Variants in AGAP1 observed in about 807,000 individuals in gnomAD.
AGAP1 encodes ArfGAP with GTPase domain, ankyrin repeat and PH domain 1.
AGAP1 carries 29 observed loss-of-function variants against 105.3 expected under a neutral mutation model. The ratio of observed to expected loss-of-function variants is 0.28; its 90% CI spans 0.21 to 0.38. The LOEUF is 0.38. Among genes scored for constraint, AGAP1 ranks in the 10% least tolerant of loss-of-function variants. The pLI is 1.00. For synonymous variants in AGAP1, 509 were observed against 485.9 expected (o/e 1.05, Z -0.63); for missense variants, 998 against 1,165.1 (o/e 0.86, Z 2.09).
At chr2:235,538,542 T>G (rs1045015281) in intron 1 of AGAP1, among the ~76,000 whole-genome samples, 3 of 148,792 alleles carry the variant, frequency 2.0e-5, no homozygotes, top group African/African-American at 7.8e-5. Flanking sequence ...CACAGTTCTC[T>G]GCATAGGTTT....
At chr2:235,862,466 C>T (rs1445904594) in intron 9 of AGAP1, among the ~76,000 whole-genome samples, 2 of 152,148 alleles carry the variant, frequency 1.3e-5, no homozygotes, top group Admixed American at 6.6e-5. Context: ...TTTCCATGCC[C>T]GTTCTCATCC....
intron 8 of AGAP1, among the ~76,000 whole-genome samples, chr2:235,802,778 G>A (rs1016554632): frequency 6.9e-5 from 10 of 144,432 alleles, no homozygotes; most frequent in Admixed American, 6.3e-4. Context: ...GATGATGGTT[G>A]TGGTTGTGAT....
chr2:235,584,817 G>A (rs1057325021), intron 1 of AGAP1, among the ~76,000 whole-genome samples: 6 of 151,340 alleles, frequency 4.0e-5, no homozygotes, highest in African/African-American at 1.2e-4. Flanking sequence ...CCATTGCCAC[G>A]TGGTCTCTGC....
chr2:235,545,618 G>A (rs1376397352), intron 1 of AGAP1, among the ~76,000 whole-genome samples: 1 of 152,186 alleles, frequency 6.6e-6, no homozygotes, highest in African/African-American at 2.4e-5. Context: ...GCCCTTAGTG[G>A]AGTTCCTTCC....
chr2:235,836,757 TG>T (rs1299767000), intron 9 of AGAP1, among the ~76,000 whole-genome samples: 1 of 152,180 alleles, frequency 6.6e-6, no homozygotes, highest in African/African-American at 2.4e-5. Context: ...GAGACAGCCC[TG>T]AAGAATCAAG....
intron 1 of AGAP1, among the ~76,000 whole-genome samples, chr2:235,677,902 T>C (rs1948832718): frequency 1.0e-5 from 1 of 96,640 alleles, no homozygotes; most frequent in African/African-American, 3.7e-5. Flanking sequence ...CATTAGCTCT[T>C]TACCAAAAAA....
At chr2:235,803,769 A>G (rs541853784) in intron 8 of AGAP1, among the ~76,000 whole-genome samples, 2 of 152,372 alleles carry the variant, frequency 1.3e-5, no homozygotes, top group South Asian at 4.1e-4. Context: ...TAGTACAAAT[A>G]AAATCTCTGT....
At chr2:235,805,777 C>CCCTTTG (rs2150084752) in intron 8 of AGAP1, among the ~76,000 whole-genome samples, 1 of 152,270 alleles carries the variant, frequency 6.6e-6, no homozygotes, top group South Asian at 2.1e-4. Flanking sequence ...GTTAACCTTA[C>CCCTTTG]GTTTTATATT....
chr2:235,636,567 G>A (rs1290758925), intron 1 of AGAP1, among the ~76,000 whole-genome samples: 3 of 152,056 alleles, frequency 2.0e-5, no homozygotes, highest in Admixed American at 6.6e-5. Flanking sequence ...GCCCCCCAGC[G>A]TCCACTCCCC....
chr2:235,748,381 C>T (rs996655681), intron 5 of AGAP1, among the ~76,000 whole-genome samples: 3 of 151,996 alleles, frequency 2.0e-5, no homozygotes, highest in Non-Finnish European at 2.9e-5. Context: ...ACATCATGGA[C>T]TTGTAACTTC....
rs1477400056 is a variant in AGAP1 at position 236,045,963 on chromosome 2, G to A, written c.1892-3096G>A. The A allele has an allele frequency of 4.2e-6, 2 of 471,758 alleles. No homozygotes were observed. Among genetic ancestry groups the A allele is most frequent in the Admixed American group, 2.3e-5 (1 of 42,584 alleles). The allele number at this position is 471,758 out of a possible 1,614,324, so 29.2% of individuals were successfully genotyped here. A position where few individuals can be genotyped will look rare whatever the true frequency, so the allele number is the denominator to read the frequency against. Reference sequence around the variant, plus strand: ...TCAGAGAATTCGGAGTCCGGCACAGGAATGTGTCCCACGCATGAATGTCGT... The same window carrying A: ...TCAGAGAATTCGGAGTCCGGCACAGAAATGTGTCCCACGCATGAATGTCGT... On this transcript the variant is annotated intron_variant, in intron 15 of 17. Transcript: ENST00000304032. This position sits in a 1 kb window ranked among gnomAD's most constrained non-coding sequence, Gnocchi z 6.9.
Position 235,569,796 on chromosome 2 carries a change from C to T in AGAP1, c.163+74947C>T, listed in dbSNP as rs1253926833. Among the ~76,000 whole-genome samples, 2 of 152,180 alleles carry T rather than the reference C, an allele frequency of 1.3e-5. No individual in the cohort carries two copies. The highest frequency in any genetic ancestry group is 2.9e-5 in the Non-Finnish European group (2 of 68,034). ...CCTTGGGTAGTTTTTATTTCTTAGGCTCTCTGGAGTTCTCCCAAATCCCCA... is the reference window on the plus strand; with the variant it reads ...CCTTGGGTAGTTTTTATTTCTTAGGTTCTCTGGAGTTCTCCCAAATCCCCA... On this transcript the variant is annotated intron_variant, in intron 1 of 17. Coordinates refer to ENST00000304032, the MANE Select transcript of AGAP1 (RefSeq NM_001037131.3). The surrounding 1 kb of genome is among the most constrained non-coding windows in gnomAD (Gnocchi z 5.9).
intron 12 of AGAP1, among the ~76,000 whole-genome samples, chr2:235,949,777 C>T (rs148110967): frequency 2.6e-4 from 40 of 152,288 alleles, no homozygotes; most frequent in East Asian, 1.2e-3. Flanking sequence ...ACCCCAGCCA[C>T]GCCGCACCCC....
chr2:235,499,988 C>T (rs966188887), intron 1 of AGAP1, among the ~76,000 whole-genome samples: 17 of 152,240 alleles, frequency 1.1e-4, no homozygotes, highest in South Asian at 6.2e-4. Flanking sequence ...CAATTTGAAA[C>T]GTCCCCAGAG....
At chr2:235,677,361 G>A (rs1234638327) in intron 1 of AGAP1, among the ~76,000 whole-genome samples, 1 of 152,204 alleles carries the variant, frequency 6.6e-6, no homozygotes, top group Admixed American at 6.5e-5. Context: ...GTACCAGTGA[G>A]AGGCTTGTGA....
rs146085734 is a variant in AGAP1, at chr2:235,627,946, A to G, written c.164-81233A>G. Among the ~76,000 whole-genome samples the G allele has an allele frequency of 6.6e-5, 10 of 152,234 alleles. No homozygotes were observed. The East Asian group carries it at 1.9e-3, about 29-fold the overall frequency. On this transcript the variant is annotated intron_variant, in intron 1 of 17. Transcript: ENST00000304032. ...TCCCTTAGGAGCATGAACTTAGGAA[A>G]GGAAATGGTGCGTTTGGTGGAAAAG... is the stretch of plus-strand genomic sequence containing the variant.
In AGAP1 at chr2:235,566,242, C is replaced by G. The variant is rs1222088005; in HGVS notation, c.163+71393C>G. On this transcript the variant is annotated intron_variant, in intron 1 of 17. Transcript: ENST00000304032. This position sits in a 1 kb window ranked among gnomAD's most constrained non-coding sequence, Gnocchi z 5.2. Reference sequence around the variant, plus strand: ...AAGTAGCTGGGATTACAGGCATGCGCCACCACGCCTGGCTAATTTTGTATT... The same window carrying G: ...AAGTAGCTGGGATTACAGGCATGCGGCACCACGCCTGGCTAATTTTGTATT... Among the ~76,000 whole-genome samples the G allele has an allele frequency of 6.6e-6, 1 of 152,162 alleles. No individual in the cohort carries two copies. The highest frequency in any genetic ancestry group is 1.5e-5 in the Non-Finnish European group (1 of 68,038).
Position 236,125,941 on chromosome 2 carries a change from G to A in AGAP1, c.*1819G>A, listed in dbSNP as rs1446979739. On this transcript the variant is annotated 3_prime_UTR_variant, in exon 18 of 18. Transcript: ENST00000304032. The surrounding 1 kb of genome is among the most constrained non-coding windows in gnomAD (Gnocchi z 5.2). Reference sequence around the variant, plus strand: ...CTAGACTCATGTAGCACAGAAACATGAAGCCACACGCACCGGCAGCCTCCG... The same window carrying A: ...CTAGACTCATGTAGCACAGAAACATAAAGCCACACGCACCGGCAGCCTCCG... The A allele has an allele frequency of 6.6e-6, 1 of 152,166 alleles. No homozygotes were observed. The highest frequency in any genetic ancestry group is 2.4e-5 in the African/African-American group (1 of 41,412). 9.4% of individuals were successfully genotyped at this position (152,166 alleles called of 1,614,324 possible). A position where few individuals can be genotyped will look rare whatever the true frequency, so the allele number is the denominator to read the frequency against.
Position 235,720,707 on chromosome 2 carries a change from A to G in AGAP1, c.310+3063A>G. 1.0e-6 allele frequency: 1 copy of G among 985,266 alleles called. No homozygotes were observed. Among genetic ancestry groups the G allele is most frequent in the South Asian group, 4.7e-5 (1 of 21,266 alleles). 61.0% of individuals were successfully genotyped at this position (985,266 alleles called of 1,614,324 possible). ...GTCTGTGCCCTGTTCTTCTGATTTAATTAGTGCGTGAGTATCCTTTATGTC... is the reference window on the plus strand; with the variant it reads ...GTCTGTGCCCTGTTCTTCTGATTTAGTTAGTGCGTGAGTATCCTTTATGTC... On this transcript the variant is annotated intron_variant, in intron 3 of 17. Transcript: ENST00000304032. This position sits in a 1 kb window ranked among gnomAD's most constrained non-coding sequence, Gnocchi z 5.0.
Sources: allele counts gnomAD v4.1 joint callset (sites outside exome capture counted in the v4.1 genomes callset), GRCh38; gene constraint gnomAD v4.1.1; non-coding constraint Gnocchi (gnomAD v3.1); transcripts MANE v1.5; gene names NCBI Gene and HGNC (gene_info 2026-07-23, HGNC 2026-07-21).